The following OSBP2 variants were observed in gnomAD, a reference collection of about 807,000 sequenced individuals.
OSBP2 encodes the protein oxysterol-binding protein 2.
Under a neutral mutation model 96.0 loss-of-function variants are expected in OSBP2, and 66 were observed. The observed-to-expected ratio is 0.69, with a 90% CI of 0.56 to 0.84. The LOEUF (loss-of-function observed/expected upper bound fraction) is 0.84. OSBP2 is among the 40% of genes least tolerant of loss of function. The pLI, the probability that OSBP2 is intolerant of heterozygous loss-of-function variation, is 0.00. For synonymous variants in OSBP2, 525 were observed against 520.9 expected (o/e 1.01, Z -0.11); for missense variants, 1,038 against 1,222.7 (o/e 0.85, Z 2.25).
At chr22:30,723,306 C>G (rs375146059) in intron 1 of OSBP2, among the ~76,000 whole-genome samples, 1 of 151,494 alleles carries the variant, frequency 6.6e-6, no homozygotes, top group African/African-American at 2.4e-5. Flanking sequence ...GGGGTTTCAC[C>G]ATATTGGTCA....
At chr22:30,756,406 G>A (rs1199020606) in intron 2 of OSBP2, among the ~76,000 whole-genome samples, 1 of 151,978 alleles carries the variant, frequency 6.6e-6, no homozygotes, top group East Asian at 1.9e-4. Context: ...GACCTTTTAG[G>A]GGCCAGGCAT....
chr22:30,700,703 TA>T (rs113563510), intron 1 of OSBP2, among the ~76,000 whole-genome samples: 2,284 of 152,262 alleles, frequency 0.015, 55 homozygotes, highest in African/African-American at 0.051. Flanking sequence ...CTCTGCTTAG[TA>T]AATGGCTAAG....
At chr22:30,730,716 GTCTCTCTCTCTC>G (rs1191165719) in intron 1 of OSBP2, among the ~76,000 whole-genome samples, 237 of 19,882 alleles carry the variant, frequency 0.012, 2 homozygotes, top group East Asian at 0.022. Flanking sequence ...TCGCTGCCCT[GTCTCTCTCTCTC>G]TCTCTCTCTC....
At chr22:30,849,485 C>G (rs2038936561) in intron 2 of OSBP2, among the ~76,000 whole-genome samples, 1 of 152,138 alleles carries the variant, frequency 6.6e-6, no homozygotes, top group Non-Finnish European at 1.5e-5. Flanking sequence ...TTATATTTCT[C>G]TAGTTACTAA....
chr22:30,807,553 A>G (rs2145851448), intron 2 of OSBP2, among the ~76,000 whole-genome samples: 1 of 152,282 alleles, frequency 6.6e-6, no homozygotes, highest in African/African-American at 2.4e-5. Context: ...CCGGGCCTGG[A>G]AGGGCTTTCT....
chr22:30,808,362 C>T (rs1038952248), intron 2 of OSBP2, among the ~76,000 whole-genome samples: 1 of 152,028 alleles, frequency 6.6e-6, no homozygotes, highest in Non-Finnish European at 1.5e-5. Flanking sequence ...ACAAAATTAG[C>T]TGGATATAGT....
chr22:30,784,544 T>A (rs2090561745), intron 2 of OSBP2, among the ~76,000 whole-genome samples: 1 of 151,362 alleles, frequency 6.6e-6, no homozygotes, highest in African/African-American at 2.4e-5. Context: ...CAGGGATGAG[T>A]CACCGTGCCC....
intron 12 of OSBP2, among the ~76,000 whole-genome samples, chr22:30,897,644 TAA>T (rs1274862552): frequency 1.3e-5 from 2 of 152,098 alleles, no homozygotes; most frequent in African/African-American, 2.4e-5. Context: ...CTGAATGATA[TAA>T]AAGATATTTG....
Position 30,892,973 on chromosome 22 carries a change from C to T in OSBP2, c.1870-149C>T, listed in dbSNP as rs142219337. ...GCCTTCCTGGGGGCCTGCCTTGGGT[C>T]CATGGCCACCTGAGGAACAGCCAGG... On this transcript the variant is annotated intron_variant, in intron 8 of 13. Coordinates refer to ENST00000332585, the MANE Select transcript of OSBP2 (RefSeq NM_030758.4). The T allele has an allele frequency of 3.1e-4, 307 of 992,330 alleles. 2 individuals are homozygous for T. In the African/African-American group the frequency reaches 4.3e-3, roughly 14 times the overall value. The allele number at this position is 992,330 out of a possible 1,614,324, so 61.5% of individuals were successfully genotyped here.
intron 4 of OSBP2, 133 bp from the exon 5 acceptor site, chr22:30,888,072 CGCAGCCCAGGGAATCAGG>C: frequency 3.0e-6 from 2 of 660,108 alleles, no homozygotes; most frequent in South Asian, 3.6e-5. Context: ...CAAGGGTGGC[CGCAGCCCAGGGAATCAGG>C]GCTGCCCAGG....
chr22:30,694,065 AC>A, upstream of OSBP2: 1 of 1,423,400 alleles, frequency 7.0e-7, no homozygotes, highest in Non-Finnish European at 9.5e-7. Flanking sequence ...GGAAAAATGC[AC>A]AGACAGGTAA....
chr22:30,872,579 A>T, intron 3 of OSBP2: 1 of 359,518 alleles, frequency 2.8e-6, no homozygotes, highest in Non-Finnish European at 5.5e-6. Context: ...CATCCGGGGA[A>T]CATGGCGGCA....
rs2090787475 is a variant in OSBP2, at chr22:30,797,888, C to T, written c.853+56519C>T. Among the ~76,000 whole-genome samples the T allele has an allele frequency of 3.9e-5, 6 of 152,336 alleles. No homozygotes were observed. The East Asian group carries it at 1.2e-3, about 29-fold the overall frequency. On this transcript the variant is annotated intron_variant, in intron 2 of 13. Transcript: ENST00000332585. Reference sequence around the variant, plus strand: ...GGATTACAGGTGTGAGCCACCATACCCAGCCAATGCTGCTATGGATATTGG... The same window carrying T: ...GGATTACAGGTGTGAGCCACCATACTCAGCCAATGCTGCTATGGATATTGG...
intron 2 of OSBP2, among the ~76,000 whole-genome samples, chr22:30,814,443 T>C (rs2091055094): frequency 6.6e-6 from 1 of 151,376 alleles, no homozygotes; most frequent in East Asian, 1.9e-4. Flanking sequence ...GGTTTTTTTT[T>C]TTTTTTTAAG....
At chr22:30,714,455 A>C (rs1006394168) in intron 1 of OSBP2, among the ~76,000 whole-genome samples, 1 of 151,700 alleles carries the variant, frequency 6.6e-6, no homozygotes, top group Non-Finnish European at 1.5e-5. Flanking sequence ...AAAATTTACT[A>C]TCTTAACTAT....
chr22:30,865,466 C>A, intron 2 of OSBP2, among the ~76,000 whole-genome samples: 2 of 151,948 alleles, frequency 1.3e-5, no homozygotes, highest in South Asian at 4.2e-4. Context: ...CCCATCTCTA[C>A]GCTGAAGATA....
intron 1 of OSBP2, among the ~76,000 whole-genome samples, chr22:30,707,689 C>G (rs1049741488): frequency 6.6e-6 from 1 of 150,522 alleles, no homozygotes; most frequent in African/African-American, 2.4e-5. Flanking sequence ...TGCACTCCAG[C>G]CTGGGCAACA....
chr22:30,894,341 C>T (rs543026398), intron 12 of OSBP2: 10 of 224,640 alleles, frequency 4.5e-5, no homozygotes, highest in Non-Finnish European at 7.9e-5. Context: ...AATAGAAATT[C>T]GACAAAGGGA....
chr22:30,809,899 A>G (rs1602296181), intron 2 of OSBP2, among the ~76,000 whole-genome samples: 1 of 152,166 alleles, frequency 6.6e-6, no homozygotes, highest in East Asian at 1.9e-4. Context: ...GAGAAACTGC[A>G]GGAGCTGACC....
Sources: allele counts gnomAD v4.1 joint callset (sites outside exome capture counted in the v4.1 genomes callset), GRCh38; gene constraint gnomAD v4.1.1; transcripts MANE v1.5; gene names NCBI Gene and HGNC (gene_info 2026-07-23, HGNC 2026-07-21).